The following FGF14 variants were observed in gnomAD, a reference collection of about 807,000 sequenced individuals.
The protein encoded by FGF14 is fibroblast growth factor homologous factor 4.
In FGF14, 5 loss-of-function variants were observed where a neutral mutation model predicts 25.5. The ratio of observed to expected loss-of-function variants is 0.20; its 90% CI spans 0.10 to 0.41. The LOEUF (loss-of-function observed/expected upper bound fraction) is 0.41. Ranked by LOEUF, FGF14 falls within the 10% of genes least tolerant of loss-of-function variation. The probability of loss-of-function intolerance (pLI) is 1.00; values close to 1 mark genes in which losing one functional copy is unlikely to be tolerated. For missense variants in FGF14, 222 were observed against 320.1 expected, an observed-to-expected ratio of 0.69 and a Z score of 2.34; for synonymous variants, 138 against 118.3, an observed-to-expected ratio of 1.17 and a Z score of -1.08.
At chr13:102,123,924 C>T (rs1049460291) in intron 1 of FGF14, among the ~76,000 whole-genome samples, 2 of 152,112 alleles carry the variant, frequency 1.3e-5, no homozygotes, top group Admixed American at 6.6e-5. Flanking sequence ...TACTGCCATG[C>T]TTAAGATCAT....
intron 1 of FGF14, among the ~76,000 whole-genome samples, chr13:101,967,146 AT>A (rs2037261468): frequency 6.6e-6 from 1 of 152,200 alleles, no homozygotes; most frequent in Non-Finnish European, 1.5e-5. Flanking sequence ...GGCTTCCTGC[AT>A]CTCAGTCACT....
At chr13:102,217,379 T>A (rs2050420231) in intron 1 of FGF14, among the ~76,000 whole-genome samples, 1 of 152,198 alleles carries the variant, frequency 6.6e-6, no homozygotes, top group South Asian at 2.1e-4. Context: ...AAAACGCTCA[T>A]AGAGACATTT....
At chr13:102,183,207 A>G (rs1002411539) in intron 1 of FGF14, among the ~76,000 whole-genome samples, 20 of 152,232 alleles carry the variant, frequency 1.3e-4, no homozygotes, top group South Asian at 8.3e-4. Context: ...AAAAAGACTC[A>G]CCTATAATAT....
intron 1 of FGF14, among the ~76,000 whole-genome samples, chr13:102,065,404 T>C (rs2042860626): frequency 6.6e-6 from 1 of 152,092 alleles, no homozygotes; most frequent in Non-Finnish European, 1.5e-5. Flanking sequence ...CCACAGGGTC[T>C]TTGAGTATAC....
At chr13:101,905,247 G>T (rs750355655) in intron 1 of FGF14, among the ~76,000 whole-genome samples, 1 of 152,102 alleles carries the variant, frequency 6.6e-6, no homozygotes, top group Non-Finnish European at 1.5e-5. Flanking sequence ...AAAGACACAC[G>T]CACATGTATG....
At chr13:101,908,398 C>T (rs1421861915) in intron 1 of FGF14, among the ~76,000 whole-genome samples, 1 of 152,076 alleles carries the variant, frequency 6.6e-6, no homozygotes, top group Non-Finnish European at 1.5e-5. Flanking sequence ...AGTGTATTAT[C>T]GATTACTGGA....
intron 1 of FGF14, among the ~76,000 whole-genome samples, chr13:102,326,858 G>C (rs1341298930): frequency 6.6e-6 from 1 of 152,014 alleles, no homozygotes; most frequent in Non-Finnish European, 1.5e-5. Context: ...AAAAAAGAGG[G>C]ATCATGAAAA....
intron 1 of FGF14, among the ~76,000 whole-genome samples, chr13:102,307,035 T>C (rs982572782): frequency 1.8e-4 from 27 of 152,034 alleles, no homozygotes; most frequent in Non-Finnish European, 3.4e-4. Flanking sequence ...GTGGGCCCAG[T>C]TCAATCATAG....
At chr13:102,199,253 G>A (rs536227562) in intron 1 of FGF14, among the ~76,000 whole-genome samples, 1 of 152,152 alleles carries the variant, frequency 6.6e-6, no homozygotes, top group Non-Finnish European at 1.5e-5. Context: ...TGGTTTAATA[G>A]AGAGTTCGTC....
chr13:102,161,097 A>C (rs1023206335), intron 1 of FGF14, among the ~76,000 whole-genome samples: 1 of 152,336 alleles, frequency 6.6e-6, no homozygotes, highest in Middle Eastern at 3.4e-3. Context: ...CAATGGAGGA[A>C]GGCAGAATGT....
At chr13:102,267,087 A>T (rs1396302427) in intron 1 of FGF14, among the ~76,000 whole-genome samples, 1 of 152,206 alleles carries the variant, frequency 6.6e-6, no homozygotes, top group Admixed American at 6.5e-5. Context: ...AGTTAACTGA[A>T]GATTCTAGTG....
intron 1 of FGF14, among the ~76,000 whole-genome samples, chr13:102,256,380 C>G (rs2052440390): frequency 6.6e-6 from 1 of 151,996 alleles, no homozygotes; most frequent in South Asian, 2.1e-4. Context: ...ACATTGTAGT[C>G]CCAGGTACTC....
chr13:102,128,361 A>G (rs2046038308), intron 1 of FGF14, among the ~76,000 whole-genome samples: 1 of 152,182 alleles, frequency 6.6e-6, no homozygotes, highest in South Asian at 2.1e-4. Flanking sequence ...AAGAAGGTGG[A>G]CAAATATGCC....
At chr13:101,751,825 A>G (rs2037296446) in intron 3 of FGF14, among the ~76,000 whole-genome samples, 1 of 152,028 alleles carries the variant, frequency 6.6e-6, no homozygotes, top group Admixed American at 6.6e-5. Flanking sequence ...TCTAGTTCCT[A>G]TTGGCTAAAT....
At position 102,354,570 on chromosome 13, in the gene FGF14, T is replaced by C. The variant is rs997801641; in HGVS notation, c.208+46901A>G. ...CCCTAAAATATAAAAAACCAAGCTG[T>C]ACCCCAGCCACATTGGGCACGTGTC... On this transcript the variant is annotated intron_variant, in intron 1 of 4. Coordinates refer to the FGF14 transcript ENST00000376131. Among the ~76,000 whole-genome samples, 8 of 152,252 alleles carry C rather than the reference T, an allele frequency of 5.3e-5. No individual in the cohort carries two copies. The East Asian group carries it at 1.2e-3, about 22-fold the overall frequency.
chr13:102,313,875 G>A (rs1020683247), intron 1 of FGF14, among the ~76,000 whole-genome samples: 3 of 152,112 alleles, frequency 2.0e-5, no homozygotes, highest in East Asian at 1.9e-4. Flanking sequence ...AGTACTAGAC[G>A]TTCAAGACAG....
At chr13:102,348,005 TAAA>T (rs138743657) in intron 1 of FGF14, among the ~76,000 whole-genome samples, 2 of 126,316 alleles carry the variant, frequency 1.6e-5, no homozygotes, top group Admixed American at 8.0e-5. Context: ...ATTTTCTGGG[TAAA>T]AAAAAAAAAA....
intron 1 of FGF14, among the ~76,000 whole-genome samples, chr13:101,964,541 C>T (rs1033974055): frequency 6.6e-6 from 1 of 152,086 alleles, no homozygotes; most frequent in Non-Finnish European, 1.5e-5. Context: ...TGTGATATCA[C>T]ACAACATGAA....
intron 1 of FGF14, among the ~76,000 whole-genome samples, chr13:102,310,651 TTCTCTCTCTC>T (rs34400050): frequency 6.3e-4 from 29 of 45,798 alleles, no homozygotes; most frequent in East Asian, 4.6e-3. Context: ...CTCTTCCCGT[TTCTCTCTCTC>T]TCTCTCTCTC....
Sources: gnomAD v4.1 joint callset for allele counts (sites outside exome capture counted in the v4.1 genomes callset) on GRCh38, gnomAD v4.1.1 for gene constraint, MANE v1.5 for transcripts, NCBI Gene and HGNC (gene_info 2026-07-23, HGNC 2026-07-21) for gene names.